The following ZBTB37 variants were observed in gnomAD, a reference collection of about 807,000 sequenced individuals.
The protein encoded by ZBTB37 is zinc finger and BTB domain-containing protein 37.
A neutral mutation model predicts 37.7 loss-of-function variants in ZBTB37; 15 were observed. The ratio of observed to expected loss-of-function variants is 0.40; its 90% CI spans 0.27 to 0.61. ZBTB37 has a LOEUF of 0.61. ZBTB37 is among the 20% of genes least tolerant of loss of function. ZBTB37 has a pLI of 0.44. For missense variants in ZBTB37, 514 were observed against 641.9 expected, an observed-to-expected ratio of 0.80 and a Z score of 2.15; for synonymous variants, 231 against 220.6, an observed-to-expected ratio of 1.05 and a Z score of -0.42.
At chr1:173,896,376 CT>C (rs1330334218) in exon 4 of ZBTB37, 1 of 152,064 alleles carries the variant, frequency 6.6e-6, no homozygotes, top group Non-Finnish European at 1.5e-5. Context: ...CAGAGAAAGC[CT>C]TTGAAAATAT....
intron 1 of ZBTB37, 27 bp from the exon 2 acceptor site, chr1:173,868,898 T>A (rs1655272623): frequency 6.5e-6 from 1 of 152,794 alleles, no homozygotes; most frequent in Non-Finnish European, 1.5e-5. Context: ...GCCAACCCCA[T>A]GCCGTTCCCA....
chr1:173,881,509 G>A (rs563611512), intron 4 of ZBTB37, among the ~76,000 whole-genome samples: 137 of 152,194 alleles, frequency 9.0e-4, no homozygotes, highest in Middle Eastern at 6.8e-3. Context: ...TTCTAGTTCT[G>A]GATCCTTGAG....
downstream of ZBTB37, chr1:173,890,846 C>T (rs891620240): frequency 1.3e-5 from 2 of 152,118 alleles, no homozygotes; most frequent in African/African-American, 4.8e-5. Context: ...ACAAAGATCA[C>T]GTGGCTACAA....
downstream of ZBTB37, chr1:173,891,184 T>C (rs1656827533): frequency 6.6e-6 from 1 of 152,226 alleles, no homozygotes; most frequent in African/African-American, 2.4e-5. Context: ...TAAGTAAGTT[T>C]TGCCATTCCT....
chr1:173,875,331 T>TATATATGTGTGCATATATATATATATA (rs367970109), intron 4 of ZBTB37, among the ~76,000 whole-genome samples: 2 of 132,344 alleles, frequency 1.5e-5, no homozygotes, highest in South Asian at 2.4e-4. Flanking sequence ...TATATATATA[T>TATATATGTGTGCATATATATATATATA]TTTTTTTTTT....
chr1:173,879,054 G>A (rs1014428921), intron 4 of ZBTB37, among the ~76,000 whole-genome samples: 1 of 148,028 alleles, frequency 6.8e-6, no homozygotes, highest in Non-Finnish European at 1.5e-5. Context: ...CCATGCCATT[G>A]CCCTCCAGCC....
intron 4 of ZBTB37, among the ~76,000 whole-genome samples, chr1:173,884,501 C>T (rs1001195571): frequency 6.6e-6 from 1 of 152,092 alleles, no homozygotes; most frequent in East Asian, 1.9e-4. Flanking sequence ...GGAATATGTT[C>T]ATACTGCCTC....
At chr1:173,889,748 T>C (rs1474469541), downstream of ZBTB37, 1 of 152,206 alleles carries the variant, frequency 6.6e-6, no homozygotes, top group East Asian at 1.9e-4. Flanking sequence ...AGTTGCAAAC[T>C]ACCCCATGCC....
chr1:173,871,900 A>G (rs969776140), intron 3 of ZBTB37, among the ~76,000 whole-genome samples: 3 of 152,184 alleles, frequency 2.0e-5, no homozygotes, highest in Non-Finnish European at 1.5e-5. Flanking sequence ...AAGAAATATT[A>G]CTAATTTAGA....
chr1:173,872,360 A>T (rs1655628225), intron 3 of ZBTB37, among the ~76,000 whole-genome samples: 1 of 151,980 alleles, frequency 6.6e-6, no homozygotes, highest in African/African-American at 2.4e-5. Context: ...GGTGTGAGCC[A>T]CTGCGCCCGG....
downstream of ZBTB37, chr1:173,888,545 AGCCTCCAG>A (rs1656718248): frequency 1.3e-5 from 2 of 152,088 alleles, no homozygotes; most frequent in African/African-American, 4.8e-5. Context: ...GACCTGCCTC[AGCCTCCAG>A]GTAGCTAGGA....
At chr1:173,891,311 T>C (rs1287333933), downstream of ZBTB37, 1 of 152,240 alleles carries the variant, frequency 6.6e-6, no homozygotes, top group Non-Finnish European at 1.5e-5. Flanking sequence ...AGTACTGTTT[T>C]TCTGGATTAG....
intron 4 of ZBTB37, 109 bp downstream of exon 4, chr1:173,873,675 G>A (rs976082249): frequency 2.0e-6 from 3 of 1,471,260 alleles, no homozygotes; most frequent in Non-Finnish European, 1.8e-6. Flanking sequence ...CAATGGCCCT[G>A]TTAAAGAAAT....
chr1:173,875,602 C>T (rs1012142685), intron 4 of ZBTB37, among the ~76,000 whole-genome samples: 1 of 151,938 alleles, frequency 6.6e-6, no homozygotes, highest in Non-Finnish European at 1.5e-5. Flanking sequence ...GCTGGGATTG[C>T]AGATGTGAGC....
downstream of ZBTB37, chr1:173,889,426 G>A (rs994762295): frequency 6.6e-6 from 1 of 152,212 alleles, no homozygotes; most frequent in Non-Finnish European, 1.5e-5. Context: ...AGCAATGAGA[G>A]CTACATCATC....
At chr1:173,869,043 T>TCTGAATTC in exon 2 of ZBTB37, 1 of 152,612 alleles carries the variant, frequency 6.6e-6, no homozygotes, top group African/African-American at 2.4e-5. Context: ...AATAAACACA[T>TCTGAATTC]CTGAATTCAT....
intron 2 of ZBTB37, 25 bp from the exon 3 acceptor site, chr1:173,870,175 A>G (rs1655451143): frequency 1.4e-6 from 2 of 1,404,138 alleles, no homozygotes; most frequent in East Asian, 4.9e-5. Flanking sequence ...ATTATTAATG[A>G]GAATATGGTT....
chr1:173,868,719 C>G (rs923817054), intron 1 of ZBTB37: 4 of 152,916 alleles, frequency 2.6e-5, no homozygotes, highest in African/African-American at 7.2e-5. Context: ...CGCCTGGAGC[C>G]GGTCCCTGGG....
chr1:173,876,364 C>CT (rs1655968869), intron 4 of ZBTB37, among the ~76,000 whole-genome samples: 1 of 152,090 alleles, frequency 6.6e-6, no homozygotes, highest in South Asian at 2.1e-4. Flanking sequence ...GTCATCCAGG[C>CT]TGGAGTGCAG....
Sources: allele counts gnomAD v4.1 joint callset (sites outside exome capture counted in the v4.1 genomes callset), GRCh38; gene constraint gnomAD v4.1.1; transcripts MANE v1.5; gene names NCBI Gene and HGNC (gene_info 2026-07-23, HGNC 2026-07-21).